The following CLSTN2 variants were observed in gnomAD, a reference collection of about 807,000 sequenced individuals.
The protein encoded by CLSTN2 is calsyntenin-2.
In CLSTN2, 48 loss-of-function variants were observed where a neutral mutation model predicts 101.2. That is an observed-to-expected ratio of 0.47 (90% CI 0.38 to 0.60). The LOEUF is 0.60. Among genes scored for constraint, CLSTN2 ranks in the 20% least tolerant of loss-of-function variants. The pLI is 0.00. For synonymous variants in CLSTN2, 481 were observed against 463.6 expected (o/e 1.04, Z -0.48); for missense variants, 1,160 against 1,238.2 (o/e 0.94, Z 0.95).
At chr3:140,344,166 T>C (rs2087518862) in intron 2 of CLSTN2, among the ~76,000 whole-genome samples, 1 of 152,216 alleles carries the variant, frequency 6.6e-6, no homozygotes, top group South Asian at 2.1e-4. Flanking sequence ...ACAGTAAGCA[T>C]TTATTTACCC....
intron 2 of CLSTN2, among the ~76,000 whole-genome samples, chr3:140,353,313 A>G (rs1182578731): frequency 6.6e-6 from 1 of 150,914 alleles, no homozygotes; most frequent in Non-Finnish European, 1.5e-5. Context: ...CAGTAAAGCC[A>G]TCTGCAGGCT....
At chr3:140,206,108 T>C (rs1230136136) in intron 2 of CLSTN2, among the ~76,000 whole-genome samples, 1 of 152,210 alleles carries the variant, frequency 6.6e-6, no homozygotes, top group Non-Finnish European at 1.5e-5. Flanking sequence ...AGTAACAAAT[T>C]GCTGCCTGTA....
chr3:140,143,976 TTGAA>T (rs1271834076), intron 1 of CLSTN2, among the ~76,000 whole-genome samples: 2 of 152,130 alleles, frequency 1.3e-5, no homozygotes, highest in Non-Finnish European at 2.9e-5. Flanking sequence ...TCTTTTGGAG[TTGAA>T]TGTGCTCCCC....
intron 8 of CLSTN2, among the ~76,000 whole-genome samples, chr3:140,519,114 G>A (rs903459373): frequency 2.0e-5 from 3 of 152,170 alleles, no homozygotes; most frequent in African/African-American, 7.2e-5. Flanking sequence ...AGCAGGTTGT[G>A]TAATTTCCAT....
chr3:139,957,454 C>T (rs368066445), intron 1 of CLSTN2, among the ~76,000 whole-genome samples: 1 of 152,026 alleles, frequency 6.6e-6, no homozygotes, highest in African/African-American at 2.4e-5. Context: ...TCAACTCTAA[C>T]CTGTATATGC....
intron 1 of CLSTN2, among the ~76,000 whole-genome samples, chr3:140,075,378 A>AT (rs2008469796): frequency 6.6e-6 from 1 of 152,142 alleles, no homozygotes; most frequent in Non-Finnish European, 1.5e-5. Context: ...AGAACTCGAA[A>AT]TAGTTTCCTG....
At chr3:140,109,884 T>G (rs72984173) in intron 1 of CLSTN2, among the ~76,000 whole-genome samples, 8,534 of 152,132 alleles carry the variant, frequency 0.056, 283 homozygotes, top group East Asian at 0.075. Context: ...GTCATGCTCC[T>G]CTCTGTGGCT....
chr3:140,315,025 T>G (rs1048870724), intron 2 of CLSTN2, among the ~76,000 whole-genome samples: 3 of 152,204 alleles, frequency 2.0e-5, no homozygotes, highest in African/African-American at 7.2e-5. Flanking sequence ...GAGAGTTAGA[T>G]CACTTTCCAG....
Position 140,558,820 on chromosome 3 carries a change from C to T in CLSTN2, c.2004C>T (p.Phe668=), listed in dbSNP as rs778778245. Residue 668 remains phenylalanine (F), a synonymous_variant, in exon 12 of 17, where the codon TTC becomes TTT. Transcript: ENST00000458420. ...CTGATATCAAGATTGTGAGCACCTT[C>T]GCCAAAACCGAAGCCCCCGGGGACG... ...LFPDIKIVST[F]AKTEAPGDVK... is the part of the protein sequence containing the mutation. 2.1e-5 allele frequency: 34 copies of T among 1,614,004 alleles called. No individual in the cohort carries two copies. Among genetic ancestry groups the T allele is most frequent in the East Asian group, 4.5e-5 (2 of 44,862 alleles).
chr3:140,287,136 T>G (rs2086902503), intron 2 of CLSTN2, among the ~76,000 whole-genome samples: 1 of 152,198 alleles, frequency 6.6e-6, no homozygotes, highest in African/African-American at 2.4e-5. Context: ...GGATGTTGTC[T>G]GATTTCTTAA....
At chr3:140,189,055 C>T (rs1393416563) in intron 2 of CLSTN2, among the ~76,000 whole-genome samples, 1 of 152,042 alleles carries the variant, frequency 6.6e-6, no homozygotes, top group Non-Finnish European at 1.5e-5. Flanking sequence ...CTTTTTTTCT[C>T]TTAGCATCAT....
intron 2 of CLSTN2, among the ~76,000 whole-genome samples, chr3:140,253,717 T>C (rs2107877579): frequency 6.6e-6 from 1 of 152,244 alleles, no homozygotes; most frequent in Middle Eastern, 3.4e-3. Flanking sequence ...TATAATGAGA[T>C]AGAAAGTTCA....
rs1985748684 is a variant in CLSTN2, at chr3:140,576,951, G to A, written c.*10698G>A. The A allele has an allele frequency of 6.6e-6, 1 of 152,180 alleles. No homozygotes were observed. Among genetic ancestry groups the A allele is most frequent in the South Asian group, 2.1e-4 (1 of 4,824 alleles). The allele number at this position is 152,180 out of a possible 1,614,324, so 9.4% of individuals were successfully genotyped here. On this transcript the variant is annotated 3_prime_UTR_variant, in exon 17 of 17. Transcript: ENST00000458420. ...TTATAGAAAATTGAATCTAATTTCAGAAGAGCGCACTGTCTTCTCAGTCAA... is the reference window on the plus strand; with the variant it reads ...TTATAGAAAATTGAATCTAATTTCAAAAGAGCGCACTGTCTTCTCAGTCAA...
intron 1 of CLSTN2, among the ~76,000 whole-genome samples, chr3:140,140,081 A>G (rs1422601363): frequency 6.6e-6 from 1 of 152,164 alleles, no homozygotes; most frequent in Non-Finnish European, 1.5e-5. Context: ...TTTTTGACTC[A>G]GTGTGTTTGA....
In CLSTN2 at chr3:140,144,062, A is replaced by G. The variant is rs145148278; in HGVS notation, c.110-31889A>G. ...TTCCAGGCTGAGGTTTGTGAGAGAG[A>G]TGCGCTAGCAAGAGCCTCCCAAATC... On this transcript the variant is annotated intron_variant, in intron 1 of 16. Transcript: ENST00000458420. Among the ~76,000 whole-genome samples, 561 of 152,364 alleles carry G rather than the reference A, an allele frequency of 3.7e-3. 3 individuals carry two copies. The highest frequency in any genetic ancestry group is 0.012 in the African/African-American group (512 of 41,592).
intron 6 of CLSTN2, among the ~76,000 whole-genome samples, chr3:140,450,500 A>G (rs534872383): frequency 1.3e-5 from 2 of 152,296 alleles, no homozygotes; most frequent in African/African-American, 4.8e-5. Flanking sequence ...GTTCTCTCCC[A>G]AAATACTCAG....
chr3:139,950,225 A>C (rs1401229220), intron 1 of CLSTN2, among the ~76,000 whole-genome samples: 1 of 152,198 alleles, frequency 6.6e-6, no homozygotes, highest in African/African-American at 2.4e-5. Context: ...TGAGTGATAA[A>C]GCTTTGGCAC....
intron 8 of CLSTN2, among the ~76,000 whole-genome samples, chr3:140,473,234 A>T (rs1933896339): frequency 6.6e-6 from 1 of 152,174 alleles, no homozygotes; most frequent in Non-Finnish European, 1.5e-5. Flanking sequence ...ATCATGCCTC[A>T]GATTCCTGCT....
chr3:140,044,531 T>A (rs1245853152), intron 1 of CLSTN2, among the ~76,000 whole-genome samples: 1 of 152,240 alleles, frequency 6.6e-6, no homozygotes, highest in African/African-American at 2.4e-5. Context: ...TTCTTTCTCC[T>A]GCCTGATTGC....
Sources: allele counts gnomAD v4.1 joint callset (sites outside exome capture counted in the v4.1 genomes callset), GRCh38; gene constraint gnomAD v4.1.1; transcripts MANE v1.5; gene names NCBI Gene and HGNC (gene_info 2026-07-23, HGNC 2026-07-21).